ACO1: variants seen among roughly 807,000 people sequenced by gnomAD.
The protein encoded by ACO1 is aconitase 1.
ACO1 carries 78 observed loss-of-function variants against 105.1 expected under a neutral mutation model. The ratio of observed to expected loss-of-function variants is 0.74; its 90% CI spans 0.62 to 0.90. The LOEUF (loss-of-function observed/expected upper bound fraction) is 0.90. Ranked by LOEUF, ACO1 falls within the 40% of genes least tolerant of loss-of-function variation. The pLI, the probability that ACO1 is intolerant of heterozygous loss-of-function variation, is 0.00. For missense variants in ACO1, 965 were observed against 1,111.1 expected (o/e 0.87, Z 1.87); for synonymous variants, 364 against 397.4 (o/e 0.92, Z 1.00).
chr9:32,440,193 G>A (rs1335873783), intron 18 of ACO1, among the ~76,000 whole-genome samples: 1 of 151,984 alleles, frequency 6.6e-6, no homozygotes. Flanking sequence ...ATTGAAACCC[G>A]GGAGGTGGAG....
intron 1 of ACO1, among the ~76,000 whole-genome samples, chr9:32,385,903 G>C (rs1445976037): frequency 6.6e-6 from 1 of 152,210 alleles, no homozygotes; most frequent in African/African-American, 2.4e-5. Context: ...TCTTGTTTGT[G>C]ATCCTTCCTC....
At chr9:32,386,671 A>G (rs904856137) in intron 1 of ACO1, among the ~76,000 whole-genome samples, 1 of 152,234 alleles carries the variant, frequency 6.6e-6, no homozygotes, top group Non-Finnish European at 1.5e-5. Flanking sequence ...TGCACAGTCC[A>G]CAGGTGAGGA....
At chr9:32,440,842 T>G (rs1003679015) in intron 19 of ACO1, among the ~76,000 whole-genome samples, 1 of 152,130 alleles carries the variant, frequency 6.6e-6, no homozygotes, top group Non-Finnish European at 1.5e-5. Context: ...AGTTTTGGGG[T>G]AGGGTCTGTG....
chr9:32,402,235 T>G (rs1441060973), intron 1 of ACO1, among the ~76,000 whole-genome samples: 2 of 152,134 alleles, frequency 1.3e-5, no homozygotes, highest in Non-Finnish European at 2.9e-5. Flanking sequence ...CTTGCCACCA[T>G]GTAGTATCAT....
rs542956809 is a variant in ACO1, at chr9:32,404,105, C to T, written c.-22-1380C>T. Among the ~76,000 whole-genome samples the T allele has an allele frequency of 2.0e-5, 3 of 152,266 alleles. No individual in the cohort carries two copies. The South Asian group carries it at 6.2e-4, about 32-fold the overall frequency. On this transcript the variant is annotated intron_variant, in intron 1 of 20. Coordinates refer to ENST00000309951, the MANE Select transcript of ACO1 (RefSeq NM_002197.3). ...CTTTCCCCTCTCCTGATTGGCTGCT[C>T]ATTGAGTTAGAATTAGTCACAAATC...
intron 1 of ACO1, among the ~76,000 whole-genome samples, chr9:32,403,292 C>T (rs10970961): frequency 0.28 from 43,012 of 152,064 alleles, 6,955 homozygotes; most frequent in Non-Finnish European, 0.37. Flanking sequence ...GAGATGTTGC[C>T]AGGTAAAGAA....
chr9:32,384,674 G>A lies in ACO1; in HGVS notation c.-84G>A. 2.5e-6 allele frequency: 1 copy of A among 406,756 alleles called. No individual in the cohort carries two copies. Among genetic ancestry groups the A allele is most frequent in the Non-Finnish European group, 4.9e-6 (1 of 204,806 alleles). 25.2% of individuals were successfully genotyped at this position (406,756 alleles called of 1,614,324 possible). ...GCAGCTGGAACCGCGCAGCGCACGG[G>A]AACGCGTCCCGCTGCTTGGGTCAGG... On this transcript the variant is annotated 5_prime_UTR_variant, in exon 1 of 21. Transcript: ENST00000309951.
chr9:32,418,942 A>T, intron 6 of ACO1, 96 bp from the exon 7 acceptor site: 1 of 1,369,602 alleles, frequency 7.3e-7, no homozygotes, highest in Non-Finnish European at 9.6e-7. Flanking sequence ...AAACGTTGTA[A>T]CTGGGTTTAT....
chr9:32,397,715 G>T (rs1821401936), intron 1 of ACO1, among the ~76,000 whole-genome samples: 1 of 152,164 alleles, frequency 6.6e-6, no homozygotes, highest in East Asian at 1.9e-4. Context: ...TGCAGTGATA[G>T]TACTTTGACT....
rs199834565 is a variant in ACO1, at chr9:32,452,964, C to CATCA, written c.*2853_*2854insATCA. On this transcript the variant is annotated 3_prime_UTR_variant, in exon 21 of 21. Coordinates refer to ENST00000309951, the MANE Select transcript of ACO1 (RefSeq NM_002197.3). Reference sequence around the variant, plus strand: ...GTGAGACCCTATCAATCAATCACCACCCCCCCCCCCCCCAAAAAAAAAAGT... The same window carrying CATCA: ...GTGAGACCCTATCAATCAATCACCACATCACCCCCCCCCCCCCAAAAAAAAAAGT... 1 of 36,224 alleles carries CATCA rather than the reference C, an allele frequency of 2.8e-5. No individual in the cohort carries two copies. The highest frequency in any genetic ancestry group is 5.3e-5 in the Non-Finnish European group (1 of 18,808). The allele number at this position is 36,224 out of a possible 1,614,324, so 2.2% of individuals were successfully genotyped here.
At chr9:32,420,627 G>GT (rs780169573) in intron 7 of ACO1, among the ~76,000 whole-genome samples, 21 of 152,172 alleles carry the variant, frequency 1.4e-4, no homozygotes, top group Non-Finnish European at 2.5e-4. Context: ...GACTTTACCA[G>GT]TTTTTTCAGT....
At chr9:32,393,899 C>T (rs991647085) in intron 1 of ACO1, among the ~76,000 whole-genome samples, 1 of 152,176 alleles carries the variant, frequency 6.6e-6, no homozygotes, top group African/African-American at 2.4e-5. Context: ...CTCCCAGACA[C>T]CAGTCTGGCA....
chr9:32,418,328 T>C lies in ACO1; in HGVS notation c.475T>C (p.Trp159Arg), dbSNP rs771023115. Reference sequence around the variant, plus strand: ...TGTTCTTTCCATTTGTCAATCCCAGTGGGGTTCCCAGGCTTTTCACAACAT... The same window carrying C: ...TGTTCTTTCCATTTGTCAATCCCAGCGGGGTTCCCAGGCTTTTCACAACAT... The part of the protein sequence containing the change: ...RNRERFEFLK[W>R]GSQAFHNMRI... The change falls in exon 6 of 21, where the codon TGG (tryptophan) becomes CGG (arginine). Residue 159 changes from tryptophan (W) to arginine (R), a missense_variant and splice_region_variant. By Grantham distance (101) the Trp-to-Arg change is moderately radical. Transcript: ENST00000309951. 9.9e-6 allele frequency: 16 copies of C among 1,613,954 alleles called. No homozygotes were observed. The highest frequency in any genetic ancestry group is 1.4e-5 in the Non-Finnish European group (16 of 1,179,992).
At position 32,453,455 on chromosome 9, in the gene ACO1, C is replaced by T. The variant is rs1182235843; in HGVS notation, c.*3344C>T. The T allele has an allele frequency of 1.3e-5, 2 of 151,758 alleles. No individual in the cohort carries two copies. The highest frequency in any genetic ancestry group is 2.9e-5 in the Non-Finnish European group (2 of 68,000). The allele number at this position is 151,758 out of a possible 1,614,324, so 9.4% of individuals were successfully genotyped here. ...GTGACTCAAGCTCCCTTCCATTTGC[C>T]CCTCCAACCACCCCCCCATCCCTCC... On this transcript the variant is annotated 3_prime_UTR_variant, in exon 21 of 21. Transcript: ENST00000309951.
In ACO1 at chr9:32,440,571, AG is replaced by A. The variant is rs774485484; in HGVS notation, c.2357del (p.Gly786AlafsTer28). The A allele has an allele frequency of 1.9e-6, 3 of 1,613,820 alleles. No individual in the cohort carries two copies. In the African/African-American group the frequency reaches 4.0e-5, roughly 22 times the overall value. On this transcript the variant is annotated frameshift_variant, in exon 19 of 21. Transcript: ENST00000309951. LOFTEE classifies it high-confidence loss of function. ...GGCAGCTCCCGAGACTGGGCAGCTAAGGGCCCTTTCCTGCTGGTGAGTATGA... is the reference window on the plus strand; with the variant it reads ...GGCAGCTCCCGAGACTGGGCAGCTAAGGCCCTTTCCTGCTGGTGAGTATGA... Reference protein sequence around the residue: ...GAGSSRDWAAKGPFLLGIKAV... With the variant: ...GAGSSRDWAAXGPFLLGIKAV...
chr9:32,389,297 A>C (rs909425194), intron 1 of ACO1, among the ~76,000 whole-genome samples: 1 of 152,240 alleles, frequency 6.6e-6, no homozygotes, highest in Non-Finnish European at 1.5e-5. Context: ...GTGATACAGC[A>C]CACTTGCTTT....
chr9:32,406,570 C>T (rs1821615749), intron 2 of ACO1, among the ~76,000 whole-genome samples: 1 of 152,176 alleles, frequency 6.6e-6, no homozygotes, highest in Non-Finnish European at 1.5e-5. Context: ...CTGCAATGAA[C>T]TGTGATCACA....
chr9:32,407,784 A>C (rs1021862147), intron 3 of ACO1, among the ~76,000 whole-genome samples: 58 of 152,208 alleles, frequency 3.8e-4, no homozygotes, highest in Admixed American at 3.3e-4. Flanking sequence ...TGTATTGCCC[A>C]GGAAACCAGG....
intron 1 of ACO1, among the ~76,000 whole-genome samples, chr9:32,398,828 C>T (rs1821428481): frequency 6.6e-6 from 1 of 152,086 alleles, no homozygotes; most frequent in African/African-American, 2.4e-5. Flanking sequence ...CTCCTGGGCT[C>T]AAGCAGTCCA....
Sources: allele counts gnomAD v4.1 joint callset (sites outside exome capture counted in the v4.1 genomes callset), GRCh38; gene constraint gnomAD v4.1.1; transcripts MANE v1.5; gene names NCBI Gene and HGNC (gene_info 2026-07-23, HGNC 2026-07-21).